Variants in SPICE1 observed in about 807,000 individuals in gnomAD.
SPICE1 encodes the protein spindle and centriole associated protein 1, also known as spindle and centriole-associated protein 1.
In SPICE1, 75 loss-of-function variants were observed where a neutral mutation model predicts 102.7. The observed-to-expected ratio is 0.73, with a 90% confidence interval of 0.61 to 0.88. The LOEUF is 0.88. Ranked by LOEUF, SPICE1 falls within the 40% of genes least tolerant of loss-of-function variation. SPICE1 has a pLI of 0.00. For synonymous variants in SPICE1, 308 were observed against 350.3 expected (o/e 0.88, Z 1.35); for missense variants, 979 against 1,020.1 (o/e 0.96, Z 0.55).
intron 1 of SPICE1, 46 bp from the exon 2 acceptor site, chr3:113,506,651 A>T: frequency 6.0e-6 from 9 of 1,500,594 alleles, no homozygotes; most frequent in Non-Finnish European, 8.3e-6. Context: ...AAGAAAAAAC[A>T]ATAAGCATCA....
chr3:113,460,193 A>G (rs1037353739), intron 12 of SPICE1: 2 of 985,310 alleles, frequency 2.0e-6, no homozygotes, highest in Non-Finnish European at 2.4e-6. Context: ...TCTAAAACTC[A>G]GTATTTTTCT....
At chr3:113,462,985 A>G (rs1049254644) in intron 11 of SPICE1, among the ~76,000 whole-genome samples, 6 of 152,058 alleles carry the variant, frequency 3.9e-5, no homozygotes, top group African/African-American at 1.2e-4. Flanking sequence ...CTCTTGCCAC[A>G]CTGATCTCCT....
At chr3:113,459,659 G>T in intron 12 of SPICE1, 1 of 915,858 alleles carries the variant, frequency 1.1e-6, no homozygotes, top group Non-Finnish European at 1.3e-6. Context: ...CAAGGCAGGC[G>T]GATCATGAAG....
intron 7 of SPICE1, among the ~76,000 whole-genome samples, chr3:113,486,130 A>G (rs1936641131): frequency 6.8e-6 from 1 of 146,912 alleles, no homozygotes; most frequent in Non-Finnish European, 1.5e-5. Context: ...AAAATAAAAT[A>G]AAATACTGAA....
At chr3:113,496,971 G>A (rs1486897) in intron 4 of SPICE1, among the ~76,000 whole-genome samples, 29,439 of 152,144 alleles carry the variant, frequency 0.19, 2,986 homozygotes, top group African/African-American at 0.25. Context: ...GTAACTGACA[G>A]TACTACTTAA....
intron 14 of SPICE1, among the ~76,000 whole-genome samples, chr3:113,452,777 A>C (rs1249753882): frequency 6.6e-6 from 1 of 152,198 alleles, no homozygotes; most frequent in Admixed American, 6.5e-5. Flanking sequence ...CAGGAATTCA[A>C]GACTAGCCTG....
chr3:113,472,726 C>T (rs1698657709), intron 7 of SPICE1, among the ~76,000 whole-genome samples: 1 of 152,194 alleles, frequency 6.6e-6, no homozygotes. Flanking sequence ...GCTGAGGGTC[C>T]TGTCTGTTAG....
intron 1 of SPICE1, among the ~76,000 whole-genome samples, chr3:113,507,500 AT>A (rs1387713574): frequency 6.6e-6 from 1 of 152,098 alleles, no homozygotes; most frequent in Non-Finnish European, 1.5e-5. Context: ...TTAAAAAAAA[AT>A]CATTGTCTAC....
intron 7 of SPICE1, among the ~76,000 whole-genome samples, chr3:113,488,567 C>CAGAGTGATAT (rs995458037): frequency 2.0e-5 from 3 of 152,112 alleles, no homozygotes; most frequent in Non-Finnish European, 4.4e-5. Flanking sequence ...CAAAGGCATA[C>CAGAGTGATAT]AGAGTGATAT....
At chr3:113,501,535 G>A (rs1937008198) in intron 3 of SPICE1, among the ~76,000 whole-genome samples, 1 of 152,090 alleles carries the variant, frequency 6.6e-6, no homozygotes. Context: ...CTCAAATCCA[G>A]AATACATACA....
chr3:113,474,193 C>T (rs1403726690), intron 7 of SPICE1, among the ~76,000 whole-genome samples: 5 of 151,458 alleles, frequency 3.3e-5, no homozygotes, highest in African/African-American at 1.2e-4. Context: ...ACAAAGAAGG[C>T]CATTACATAA....
At chr3:113,493,148 A>G (rs1936800917) in intron 6 of SPICE1, 58 bp downstream of exon 6, 3 of 1,232,046 alleles carry the variant, frequency 2.4e-6, no homozygotes, top group Non-Finnish European at 3.4e-6. Flanking sequence ...CACAAGGCCT[A>G]TATCAACTTA....
intron 1 of SPICE1, among the ~76,000 whole-genome samples, chr3:113,507,358 G>A (rs924074355): frequency 6.6e-6 from 1 of 151,986 alleles, no homozygotes; most frequent in South Asian, 2.1e-4. Context: ...CTTTTAAAAA[G>A]CAATACATAT....
intron 16 of SPICE1, 81 bp from the exon 17 acceptor site, chr3:113,446,757 C>T (rs1277373793): frequency 2.7e-6 from 3 of 1,104,552 alleles, no homozygotes; most frequent in African/African-American, 3.1e-5. Context: ...ACTGACAATT[C>T]TCAATACTGG....
At position 113,453,517 on chromosome 3, in the gene SPICE1, C is replaced by A. The variant is rs1424056077; in HGVS notation, c.2091G>T (p.Gly697=). 1.9e-6 allele frequency: 3 copies of A among 1,613,852 alleles called. No homozygotes were observed. Among genetic ancestry groups the A allele is most frequent in the Non-Finnish European group, 2.5e-6 (3 of 1,179,892 alleles). Residue 697 remains glycine, a synonymous_variant, in exon 14 of 18, where the codon GGG becomes GGT. Coordinates refer to ENST00000295872, the MANE Select transcript of SPICE1 (RefSeq NM_144718.4). The part of the protein sequence containing the change: ...NNIIEPRGEQ[G]DGLRELNKQE... ...GTTTGTTCAACTCCCGGAGTCCATC[C>A]CCTTGCTCTCCTCTGGGCTCAATAA... is the stretch of plus-strand genomic sequence containing the variant.
chr3:113,472,654 C>T (rs938681897), intron 7 of SPICE1, among the ~76,000 whole-genome samples: 3 of 152,222 alleles, frequency 2.0e-5, no homozygotes, highest in African/African-American at 4.8e-5. Context: ...GCAGCCACCG[C>T]TGCTGATACC....
intron 3 of SPICE1, among the ~76,000 whole-genome samples, chr3:113,501,970 T>TATACCTAACAATGCAAA (rs1937016127): frequency 6.6e-6 from 1 of 152,216 alleles, no homozygotes; most frequent in African/African-American, 2.4e-5. Context: ...ACAGCAGCAT[T>TATACCTAACAATGCAAA]ATACCTAACA....
chr3:113,468,012 TG>T, intron 10 of SPICE1, 126 bp downstream of exon 10: 1 of 1,116,548 alleles, frequency 9.0e-7, no homozygotes, highest in Non-Finnish European at 1.2e-6. Flanking sequence ...AATCTAAAAC[TG>T]AGGTATTTTA....
intron 14 of SPICE1, among the ~76,000 whole-genome samples, chr3:113,453,239 T>C (rs1935697650): frequency 6.6e-6 from 1 of 152,248 alleles, no homozygotes; most frequent in South Asian, 2.1e-4. Context: ...ATTTTATCTT[T>C]GTCCTATTTT....
Sources: allele counts gnomAD v4.1 joint callset (sites outside exome capture counted in the v4.1 genomes callset), GRCh38; gene constraint gnomAD v4.1.1; transcripts MANE v1.5; gene names NCBI Gene and HGNC (gene_info 2026-07-23, HGNC 2026-07-21).